CFAP92: variants seen among roughly 807,000 people sequenced by gnomAD.
CFAP92 encodes cilia and flagella associated protein 92 (putative).
CFAP92 carries 86 observed loss-of-function variants against 106.3 expected under a neutral mutation model. That is an observed-to-expected ratio of 0.81 (90% CI 0.68 to 0.97). The LOEUF (loss-of-function observed/expected upper bound fraction) is 0.97. CFAP92 is among the 50% of genes least tolerant of loss of function. CFAP92 has a pLI of 0.00. For missense variants in CFAP92, 1,204 were observed against 1,283.8 expected, an observed-to-expected ratio of 0.94 and a Z score of 0.95; for synonymous variants, 477 against 506.4, an observed-to-expected ratio of 0.94 and a Z score of 0.78.
chr3:128,945,487 G>A lies in CFAP92; in HGVS notation c.1842C>T (p.Gly614=), dbSNP rs1256092798. Residue 614 remains glycine (G), a synonymous_variant, in exon 10 of 16, where the codon GGC becomes GGT. Coordinates refer to ENST00000645291, the MANE Select transcript of CFAP92 (RefSeq NM_001394090.1). ...CCCTGGGCATTGGGCCGTGCTGGTG[G>A]CCATCTCTGGGGACCCCAAGCCCCA... ...KVVGLGVPRD[G]HQHGPMPRGN... 2.0e-6 allele frequency: 3 copies of A among 1,536,050 alleles called. No homozygotes were observed. The highest frequency in any genetic ancestry group is 4.9e-5 in the East Asian group (2 of 40,936).
At chr3:128,971,509 T>C (rs1050311820) in intron 7 of CFAP92, 76 bp from the exon 8 acceptor site, 4 of 1,221,708 alleles carry the variant, frequency 3.3e-6, no homozygotes, top group Non-Finnish European at 4.5e-6. Flanking sequence ...CTGAACATGC[T>C]ACAGAGATTC....
At chr3:128,964,907 A>G (rs1942256531) in intron 9 of CFAP92, among the ~76,000 whole-genome samples, 1 of 152,124 alleles carries the variant, frequency 6.6e-6, no homozygotes, top group Non-Finnish European at 1.5e-5. Flanking sequence ...TGCCGCTCCA[A>G]CACTTCAACA....
chr3:128,971,371 C>T lies in CFAP92; in HGVS notation c.1084G>A (p.Glu362Lys), dbSNP rs761729219. Residue 362 changes from glutamate to lysine, a missense_variant, in exon 8 of 16, where the codon GAA (glutamate) becomes AAA (lysine). Coordinates refer to ENST00000645291, the MANE Select transcript of CFAP92 (RefSeq NM_001394090.1). ...GTCAGCGTGGGGTCTGCCTCTTCTT[C>T]TGCCAGGGGCTTCTTATGTCTCCTC... Reference protein sequence around the residue: ...IQRRHKKPLAEEEADPTLTGP... With the variant: ...IQRRHKKPLAKEEADPTLTGP... 6.2e-7 allele frequency: 1 copy of T among 1,613,560 alleles called. No individual in the cohort carries two copies. Among genetic ancestry groups the T allele is most frequent in the Middle Eastern group, 1.6e-4 (1 of 6,062 alleles).
chr3:128,939,053 C>T (rs1461471318), intron 10 of CFAP92, among the ~76,000 whole-genome samples: 1 of 152,126 alleles, frequency 6.6e-6, no homozygotes, highest in Admixed American at 6.6e-5. Flanking sequence ...GGATGTCTGT[C>T]CTTCTTTCCT....
Position 128,945,885 on chromosome 3 carries a change from A to G in CFAP92, c.1444T>C (p.Phe482Leu). The stretch of plus-strand genomic sequence containing the variant: ...AGGAAGATGACGTTGATGTCCTGGA[A>G]ATAAACGTGGGTTCCATGGGGCTCC... ...KGEPHGTHVY[F>L]QDINVIFLGA... Residue 482 changes from phenylalanine (F) to leucine (L), a missense_variant, in exon 10 of 16, where the codon TTC (phenylalanine) becomes CTC (leucine). Transcript: ENST00000645291. 1 of 1,471,060 alleles carries G rather than the reference A, an allele frequency of 6.8e-7. No homozygotes were observed. The highest frequency in any genetic ancestry group is 8.9e-7 in the Non-Finnish European group (1 of 1,119,648). 91.1% of individuals were successfully genotyped at this position (1,471,060 alleles called of 1,614,324 possible).
chr3:128,961,383 T>C (rs1330348739), intron 9 of CFAP92, among the ~76,000 whole-genome samples: 2 of 152,086 alleles, frequency 1.3e-5, no homozygotes, highest in African/African-American at 2.4e-5. Context: ...TACAGACCCA[T>C]CTGACCTCTC....
the CFAP92 span, among the ~76,000 whole-genome samples, chr3:129,021,149 C>G: frequency 6.6e-6 from 1 of 152,190 alleles, no homozygotes; most frequent in Non-Finnish European, 1.5e-5. Context: ...TATGACCAAG[C>G]ATCACCCCAA....
chr3:128,948,377 C>CTTTTTTTTTT (rs4040748), intron 9 of CFAP92, among the ~76,000 whole-genome samples: 2 of 79,708 alleles, frequency 2.5e-5, no homozygotes, highest in Non-Finnish European at 5.1e-5. Flanking sequence ...CTTTTCTTTC[C>CTTTTTTTTTT]TTTTTTTTTT....
rs970010070 is a variant in CFAP92, at chr3:128,960,998, C to CCCT, written c.1353+4510_1353+4512dup. Among the ~76,000 whole-genome samples the CCCT allele has an allele frequency of 8.3e-4, 126 of 152,288 alleles. 1 individual carries two copies. Among genetic ancestry groups the CCCT allele is most frequent in the African/African-American group, 3.0e-3 (125 of 41,524 alleles). On this transcript the variant is annotated intron_variant, in intron 9 of 15. Coordinates refer to ENST00000645291, the MANE Select transcript of CFAP92 (RefSeq NM_001394090.1). ...TTCCTTCACTATGGGCAACCTTCCACCCTCCATTCCTCCTCCTTCTCCCTT... is the reference window on the plus strand; with the variant it reads ...TTCCTTCACTATGGGCAACCTTCCACCCTCCTCCATTCCTCCTCCTTCTCCCTT...
At chr3:128,998,361 A>G (rs961031379), upstream of CFAP92, among the ~76,000 whole-genome samples, 1 of 152,128 alleles carries the variant, frequency 6.6e-6, no homozygotes, top group Non-Finnish European at 1.5e-5. Context: ...TATCTAAGAA[A>G]TCTTTGACTA....
At chr3:128,974,686 T>C (rs765882680) in intron 7 of CFAP92, among the ~76,000 whole-genome samples, 17 of 151,626 alleles carry the variant, frequency 1.1e-4, no homozygotes, top group Non-Finnish European at 1.9e-4. Flanking sequence ...CTGGGTGTGG[T>C]GGTGGACGCC....
chr3:128,944,168 G>A (rs1030330692), intron 10 of CFAP92, among the ~76,000 whole-genome samples: 2 of 151,906 alleles, frequency 1.3e-5, no homozygotes, highest in Non-Finnish European at 2.9e-5. Context: ...GGGCTCAAGT[G>A]ATTCCAGGAT....
chr3:128,943,621 C>T (rs988065425), intron 10 of CFAP92, among the ~76,000 whole-genome samples: 2 of 151,982 alleles, frequency 1.3e-5, no homozygotes, highest in African/African-American at 4.8e-5. Context: ...CCGCAACCTC[C>T]CTCTCCAGGG....
rs1434022319 is a variant in CFAP92, at chr3:128,945,816, G to A, written c.1513C>T (p.Pro505Ser). 36 of 1,521,022 alleles carry A rather than the reference G, an allele frequency of 2.4e-5. No individual in the cohort carries two copies. In the South Asian group the frequency reaches 3.0e-4, roughly 12 times the overall value. 94.2% of individuals were successfully genotyped at this position (1,521,022 alleles called of 1,614,324 possible). ...PSDLREYLEG[P>S]PMVVEVHDRD... ...TCGTGAACTTCCACCACCATGGGGG[G>A]GCCCTCCAGGTATTCCCTTAGGTCA... Residue 505 changes from proline (P) to serine (S), a missense_variant, in exon 10 of 16, where the codon CCC (proline) becomes TCC (serine). Transcript: ENST00000645291.
intron 7 of CFAP92, among the ~76,000 whole-genome samples, chr3:128,971,992 A>T (rs1942834603): frequency 6.6e-6 from 1 of 152,208 alleles, no homozygotes; most frequent in South Asian, 2.1e-4. Context: ...GGTCATCAAG[A>T]CAAGACCAAT....
chr3:128,987,974 A>C, intron 3 of CFAP92, 145 bp from the exon 4 acceptor site: 1 of 655,062 alleles, frequency 1.5e-6, no homozygotes, highest in Non-Finnish European at 2.6e-6. Context: ...CTCTGAGCTC[A>C]GGGAAAATGG....
chr3:129,013,124 A>AC, the CFAP92 span, among the ~76,000 whole-genome samples: 1 of 152,136 alleles, frequency 6.6e-6, no homozygotes, highest in African/African-American at 2.4e-5. Flanking sequence ...CAGGGGTAGT[A>AC]TACATGGTTC....
At chr3:128,984,810 G>A (rs976945247) in intron 4 of CFAP92, among the ~76,000 whole-genome samples, 1 of 152,172 alleles carries the variant, frequency 6.6e-6, no homozygotes, top group African/African-American at 2.4e-5. Context: ...GTTCTGGCAT[G>A]TGACCTACCA....
intron 2 of CFAP92, among the ~76,000 whole-genome samples, chr3:128,989,579 C>G (rs536602721): frequency 1.0e-3 from 156 of 152,202 alleles, no homozygotes; most frequent in South Asian, 6.2e-3. Flanking sequence ...GTCCAGAGCC[C>G]AAGGAGCCCC....
Sources: allele counts gnomAD v4.1 joint callset (sites outside exome capture counted in the v4.1 genomes callset), GRCh38; gene constraint gnomAD v4.1.1; transcripts MANE v1.5; gene names NCBI Gene and HGNC (gene_info 2026-07-23, HGNC 2026-07-21).